LRRC18: variants seen among roughly 807,000 people sequenced by gnomAD.
LRRC18 encodes the protein leucine-rich repeat-containing protein 18.
LRRC18 carries 12 observed loss-of-function variants against 11.2 expected under a neutral mutation model. The ratio of observed to expected loss-of-function variants is 1.07; its 90% confidence interval spans 0.69 to 1.74. The LOEUF (loss-of-function observed/expected upper bound fraction) is 1.74, where lower values mean the gene tolerates loss of function less well. LRRC18 is among the 40% of genes most tolerant of loss of function. LRRC18 has a pLI of 0.00. For missense variants in LRRC18, 374 were observed against 330.5 expected, an observed-to-expected ratio of 1.13 and a Z score of -1.02; for synonymous variants, 155 against 130.6, an observed-to-expected ratio of 1.19 and a Z score of -1.27.
At chr10:48,936,991 C>G in the LRRC18 span, among the ~76,000 whole-genome samples, 1 of 151,900 alleles carries the variant, frequency 6.6e-6, no homozygotes, top group East Asian at 1.9e-4. Context: ...ACGACCTCGG[C>G]TCACTGCAAA....
At chr10:48,924,960 C>T in the LRRC18 span, among the ~76,000 whole-genome samples, 1 of 152,210 alleles carries the variant, frequency 6.6e-6, no homozygotes, top group Admixed American at 6.5e-5. Context: ...ATTCTTTCAA[C>T]TGATCCATTG....
At chr10:48,928,917 T>C in the LRRC18 span, among the ~76,000 whole-genome samples, 1 of 152,338 alleles carries the variant, frequency 6.6e-6, no homozygotes, top group East Asian at 1.9e-4. Flanking sequence ...TGAGGCACTG[T>C]TCCAGGCAGC....
chr10:48,921,064 C>T, the LRRC18 span, among the ~76,000 whole-genome samples: 1 of 152,098 alleles, frequency 6.6e-6, no homozygotes, highest in Non-Finnish European at 1.5e-5. Flanking sequence ...TGTCAACTCT[C>T]CCCAAATTGG....
upstream of LRRC18, among the ~76,000 whole-genome samples, chr10:48,918,155 A>C (rs1838721802): frequency 1.3e-5 from 2 of 152,220 alleles, no homozygotes; most frequent in South Asian, 4.1e-4. Flanking sequence ...CAAATAATAC[A>C]AAGAAGGCAG....
the LRRC18 span, among the ~76,000 whole-genome samples, chr10:48,925,077 A>T: frequency 3.3e-5 from 5 of 152,340 alleles, no homozygotes; most frequent in African/African-American, 1.2e-4. Context: ...TGGATGAGAA[A>T]TATCTTTTAC....
the LRRC18 span, among the ~76,000 whole-genome samples, chr10:48,920,636 G>C: frequency 1.3e-5 from 2 of 152,172 alleles, no homozygotes; most frequent in Non-Finnish European, 2.9e-5. Flanking sequence ...CACTATGTCT[G>C]TTCAGTATTA....
At chr10:48,918,155 A>T, upstream of LRRC18, among the ~76,000 whole-genome samples, 2 of 152,220 alleles carry the variant, frequency 1.3e-5, 1 homozygote. Flanking sequence ...CAAATAATAC[A>T]AAGAAGGCAG....
upstream of LRRC18, among the ~76,000 whole-genome samples, chr10:48,917,443 C>T (rs1428954695): frequency 6.6e-6 from 1 of 152,164 alleles, no homozygotes; most frequent in African/African-American, 2.4e-5. Context: ...GAAATTCACA[C>T]TCAGACACAT....
At chr10:48,923,650 G>A in the LRRC18 span, among the ~76,000 whole-genome samples, 942 of 151,790 alleles carry the variant, frequency 6.2e-3, 12 homozygotes, top group African/African-American at 0.022. Context: ...TTCACTGTAT[G>A]AGCATATTGA....
chr10:48,927,128 G>T, the LRRC18 span, among the ~76,000 whole-genome samples: 1 of 152,142 alleles, frequency 6.6e-6, no homozygotes, highest in African/African-American at 2.4e-5. Flanking sequence ...GATTTTTACC[G>T]TGTGAGCTCA....
At chr10:48,924,690 T>G in the LRRC18 span, among the ~76,000 whole-genome samples, 3 of 152,228 alleles carry the variant, frequency 2.0e-5, no homozygotes, top group African/African-American at 7.2e-5. Flanking sequence ...TTTTTTCTCT[T>G]TAGTCATTGT....
chr10:48,914,123 C>T (rs1838277483), exon 1 of LRRC18: 1 of 1,614,144 alleles, frequency 6.2e-7, no homozygotes, highest in Non-Finnish European at 8.5e-7. Context: ...GGGTGATCTT[C>T]TTGCCCTTGG....
the LRRC18 span, among the ~76,000 whole-genome samples, chr10:48,924,715 G>A: frequency 2.6e-5 from 4 of 152,140 alleles, no homozygotes; most frequent in South Asian, 2.1e-4. Context: ...CAAACAGCAT[G>A]GTGGGATACC....
chr10:48,909,903 G>A (rs966346211), exon 2 of LRRC18: 1 of 293,700 alleles, frequency 3.4e-6, no homozygotes, highest in African/African-American at 2.2e-5. Context: ...ACTAGTCTGA[G>A]TGAAATGTAG....
chr10:48,928,353 CGTGTGTGTGTGTGTGTGTGTGT>C, the LRRC18 span, among the ~76,000 whole-genome samples: 129 of 124,960 alleles, frequency 1.0e-3, no homozygotes, highest in Non-Finnish European at 1.6e-3. Flanking sequence ...TTGGTTTTGA[CGTGTGTGTGTGTGTGTGTGTGT>C]GTGTGTGTGT....
At chr10:48,934,419 T>C in the LRRC18 span, among the ~76,000 whole-genome samples, 3 of 152,138 alleles carry the variant, frequency 2.0e-5, no homozygotes, top group Non-Finnish European at 4.4e-5. Flanking sequence ...GATACAGCAA[T>C]TGAGGCTCAG....
the LRRC18 span, among the ~76,000 whole-genome samples, chr10:48,923,534 C>T: frequency 8.9e-6 from 1 of 111,806 alleles, no homozygotes; most frequent in African/African-American, 3.2e-5. Flanking sequence ...CCGCATAGTC[C>T]TGTATTTTAT....
the LRRC18 span, among the ~76,000 whole-genome samples, chr10:48,923,713 C>A: frequency 6.6e-6 from 1 of 151,938 alleles, no homozygotes; most frequent in South Asian, 2.1e-4. Context: ...GTAATCAGGC[C>A]CAGTCCTCAA....
the LRRC18 span, among the ~76,000 whole-genome samples, chr10:48,937,233 G>T: frequency 2.0e-5 from 3 of 152,156 alleles, no homozygotes; most frequent in African/African-American, 4.8e-5. Context: ...TCATATTATG[G>T]CATAGTTGTA....
Sources: gnomAD v4.1 joint callset for allele counts (sites outside exome capture counted in the v4.1 genomes callset) on GRCh38, gnomAD v4.1.1 for gene constraint, MANE v1.5 for transcripts, NCBI Gene and HGNC (gene_info 2026-07-23, HGNC 2026-07-21) for gene names.